The following CEP192 variants were observed in gnomAD, a reference collection of about 807,000 sequenced individuals.
CEP192 encodes the protein centrosomal protein of 192 kDa.
CEP192 carries 151 observed loss-of-function variants against 271.8 expected under a neutral mutation model. The ratio of observed to expected loss-of-function variants is 0.56; its 90% CI spans 0.49 to 0.64. The LOEUF is 0.64. Ranked by LOEUF, CEP192 falls within the 30% of genes least tolerant of loss-of-function variation. CEP192 has a pLI of 0.00. For missense variants in CEP192, 2,910 were observed against 3,020.5 expected (o/e 0.96, Z 0.86); for synonymous variants, 995 against 1,076.5 (o/e 0.92, Z 1.48).
intron 30 of CEP192, among the ~76,000 whole-genome samples, chr18:13,076,639 T>C (rs1285977253): frequency 2.6e-5 from 4 of 152,230 alleles, no homozygotes; most frequent in Non-Finnish European, 5.9e-5. Context: ...TTTTTGCTAT[T>C]TAGTTTCGTT....
At chr18:13,031,944 A>G (rs1001688469) in intron 11 of CEP192, among the ~76,000 whole-genome samples, 4 of 152,172 alleles carry the variant, frequency 2.6e-5, no homozygotes, top group African/African-American at 4.8e-5. Context: ...GAGAAGGTGC[A>G]TGGTCCAGTG....
chr18:13,069,782 A>C lies in CEP192; in HGVS notation c.5100A>C (p.Leu1700=), dbSNP rs776654383. Residue 1700 remains leucine, a synonymous_variant, in exon 27 of 45, where the codon CTA becomes CTC. Transcript: ENST00000506447. The stretch of plus-strand genomic sequence containing the variant: ...ACTTTTCAGTGGATCCAAAGAATCT[A>C]CTCCTTAAACCTGGAGAAGAACATG... The part of the protein sequence containing the change: ...GSHFSVDPKN[L]LLKPGEEHEV... 1.9e-6 allele frequency: 3 copies of C among 1,601,702 alleles called. No homozygotes were observed. Among genetic ancestry groups the C allele is most frequent in the Non-Finnish European group, 2.6e-6 (3 of 1,169,176 alleles).
intron 11 of CEP192, among the ~76,000 whole-genome samples, chr18:13,036,174 T>C (rs897893873): frequency 6.6e-6 from 1 of 152,114 alleles, no homozygotes; most frequent in Non-Finnish European, 1.5e-5. Context: ...TTGTTTGTTT[T>C]TTTTAATAAG....
intron 11 of CEP192, among the ~76,000 whole-genome samples, chr18:13,034,088 T>C (rs2035780972): frequency 6.6e-6 from 1 of 152,210 alleles, no homozygotes; most frequent in Admixed American, 6.5e-5. Flanking sequence ...TGTGGTGTCA[T>C]AAATACACCT....
intron 3 of CEP192, 72 bp from the exon 4 acceptor site, chr18:13,008,383 GA>G: frequency 9.4e-7 from 1 of 1,061,054 alleles, no homozygotes; most frequent in Admixed American, 2.7e-5. Flanking sequence ...ATACATAACT[GA>G]TTAATAAATA....
At chr18:12,994,455 CAT>C (rs1400034670) in intron 1 of CEP192, among the ~76,000 whole-genome samples, 2 of 151,774 alleles carry the variant, frequency 1.3e-5, no homozygotes, top group South Asian at 4.2e-4. Flanking sequence ...TGACAGGCCT[CAT>C]AGAGTTTTCA....
intron 15 of CEP192, among the ~76,000 whole-genome samples, chr18:13,048,606 C>A (rs1200581081): frequency 6.6e-6 from 1 of 152,194 alleles, no homozygotes; most frequent in African/African-American, 2.4e-5. Flanking sequence ...ATGCTTTGCA[C>A]TCCAAACTTC....
intron 21 of CEP192, among the ~76,000 whole-genome samples, chr18:13,063,820 A>ATTTTT (rs111552814): frequency 7.4e-6 from 1 of 134,566 alleles, no homozygotes; most frequent in African/African-American, 2.8e-5. Flanking sequence ...ATTTTCCCCA[A>ATTTTT]TTTTTTTTTT....
chr18:13,062,452 A>G (rs2037456727), intron 21 of CEP192, among the ~76,000 whole-genome samples: 1 of 152,012 alleles, frequency 6.6e-6, no homozygotes, highest in Non-Finnish European at 1.5e-5. Context: ...GATATTGCCA[A>G]TTTGCTCTCT....
intron 5 of CEP192, 57 bp from the exon 6 acceptor site, chr18:13,015,271 C>CTA: frequency 6.6e-7 from 1 of 1,509,334 alleles, no homozygotes; most frequent in Non-Finnish European, 8.9e-7. Flanking sequence ...TAGCCTTGTA[C>CTA]TATGCTCTTC....
chr18:13,024,406 G>A (rs564562479), intron 9 of CEP192: 3 of 432,350 alleles, frequency 6.9e-6, no homozygotes, highest in East Asian at 1.4e-4. Context: ...ATATACTTAG[G>A]TCTTGTTTTT....
At chr18:13,034,691 C>T (rs1475860774) in intron 11 of CEP192, among the ~76,000 whole-genome samples, 1 of 151,494 alleles carries the variant, frequency 6.6e-6, no homozygotes, top group Non-Finnish European at 1.5e-5. Context: ...TGGTGGGCAC[C>T]TGTAGTCCCA....
chr18:13,004,339 G>A (rs750518166), intron 3 of CEP192, among the ~76,000 whole-genome samples: 5 of 151,942 alleles, frequency 3.3e-5, no homozygotes, highest in African/African-American at 4.8e-5. Context: ...GCATGTTTGC[G>A]TGATAATAGG....
In CEP192 at chr18:13,069,834, G is replaced by T. The variant is rs957571932; in HGVS notation, c.5152G>T (p.Asp1718Tyr). 2.5e-5 allele frequency: 39 copies of T among 1,590,234 alleles called. No individual in the cohort carries two copies. Among genetic ancestry groups the T allele is most frequent in the Non-Finnish European group, 3.4e-5 (39 of 1,158,920 alleles). ...HEVIVSFTPK[D>Y]PEACEERILK... is the part of the protein sequence containing the mutation. ...GGTTATTGTTTCATTTACTCCAAAG[G>T]ATCCTGAAGCCTGCGAGGAAAGGTA... The change falls in exon 27 of 45, where the codon GAT (aspartate) becomes TAT (tyrosine). Residue 1718 changes from aspartate (D) to tyrosine (Y), a missense_variant. Coordinates refer to ENST00000506447, the MANE Select transcript of CEP192 (RefSeq NM_032142.4).
At chr18:13,018,695 G>A in intron 8 of CEP192, 80 bp downstream of exon 8, 1 of 1,031,062 alleles carries the variant, frequency 9.7e-7, no homozygotes, top group Non-Finnish European at 1.4e-6. Flanking sequence ...TATTTCTCTG[G>A]TATGATTTAG....
intron 26 of CEP192, 150 bp downstream of exon 26, chr18:13,069,331 G>A (rs1222708274): frequency 1.5e-6 from 1 of 656,318 alleles, no homozygotes; most frequent in South Asian, 1.9e-5. Context: ...AAAACTGGGT[G>A]TTATATAGCA....
At chr18:13,061,740 G>T (rs1215661487) in intron 21 of CEP192, among the ~76,000 whole-genome samples, 1 of 152,212 alleles carries the variant, frequency 6.6e-6, no homozygotes, top group Non-Finnish European at 1.5e-5. Context: ...TTTTGGGCTA[G>T]AAGATTTTTT....
chr18:13,034,627 G>A (rs1331085530), intron 11 of CEP192, among the ~76,000 whole-genome samples: 1 of 151,348 alleles, frequency 6.6e-6, no homozygotes, highest in Non-Finnish European at 1.5e-5. Flanking sequence ...CTAACATGGT[G>A]AAACCCTGTC....
chr18:13,000,309 C>T (rs2033561905), intron 2 of CEP192: 1 of 151,814 alleles, frequency 6.6e-6, no homozygotes, highest in South Asian at 2.1e-4. Context: ...GTTCATTTTA[C>T]AGAATATGGC....
Sources: allele counts gnomAD v4.1 joint callset (sites outside exome capture counted in the v4.1 genomes callset), GRCh38; gene constraint gnomAD v4.1.1; transcripts MANE v1.5; gene names NCBI Gene and HGNC (gene_info 2026-07-23, HGNC 2026-07-21).